Variants in GPM6A observed in about 807,000 individuals in gnomAD.
GPM6A encodes the protein neuronal membrane glycoprotein M6-a.
Under a neutral mutation model 32.1 loss-of-function variants are expected in GPM6A, and 7 were observed. That is an observed-to-expected ratio of 0.22 (90% CI 0.12 to 0.41). The LOEUF is 0.41. Among genes scored for constraint, GPM6A ranks in the 10% least tolerant of loss-of-function variants. GPM6A has a pLI of 1.00. For synonymous variants in GPM6A, 130 were observed against 123.4 expected, an observed-to-expected ratio of 1.05 and a Z score of -0.35; for missense variants, 235 against 347.2, an observed-to-expected ratio of 0.68 and a Z score of 2.57.
chr4:175,986,047 G>GCC (rs201773572), intron 1 of GPM6A, among the ~76,000 whole-genome samples: 8 of 151,996 alleles, frequency 5.3e-5, no homozygotes, highest in South Asian at 2.1e-4. Context: ...CTTGCGATCT[G>GCC]CCCCCCTCAG....
intron 1 of GPM6A, among the ~76,000 whole-genome samples, chr4:175,710,377 A>G (rs1385122466): frequency 6.6e-6 from 1 of 152,134 alleles, no homozygotes; most frequent in Non-Finnish European, 1.5e-5. Context: ...AAGTTCTGAT[A>G]TGCAAACTTT....
intron 1 of GPM6A, among the ~76,000 whole-genome samples, chr4:175,820,025 C>T (rs906761009): frequency 1.3e-5 from 2 of 152,098 alleles, no homozygotes; most frequent in East Asian, 3.8e-4. Context: ...AAGTAGAGAA[C>T]GTTCTTTAAG....
chr4:175,736,568 C>T (rs546521931), intron 1 of GPM6A, among the ~76,000 whole-genome samples: 28 of 152,134 alleles, frequency 1.8e-4, no homozygotes, highest in East Asian at 9.6e-4. Flanking sequence ...ATTGGCTTTA[C>T]GTTGCTGAAA....
chr4:175,698,239 T>C (rs1744684098), intron 2 of GPM6A, among the ~76,000 whole-genome samples: 1 of 152,218 alleles, frequency 6.6e-6, no homozygotes, highest in Admixed American at 6.5e-5. Context: ...AACAAGCTTC[T>C]TTTCCAAGTA....
At position 175,795,160 on chromosome 4, in the gene GPM6A, T is replaced by C. The variant is rs531719984; in HGVS notation, c.37+17031A>G. Among the ~76,000 whole-genome samples the C allele has an allele frequency of 2.0e-4, 31 of 152,318 alleles. No homozygotes were observed. In the East Asian group the frequency reaches 5.2e-3, roughly 26 times the overall value. ...GCATTAGTAATGACCTGTAAACTTC[T>C]AGCTTGGGACACAGTGTACATAAAT... On this transcript the variant is annotated intron_variant, in intron 1 of 6. Coordinates refer to ENST00000393658, the MANE Select transcript of GPM6A (RefSeq NM_201591.3).
In GPM6A at chr4:175,733,663, G is replaced by A. The variant is rs562648058; in HGVS notation, c.38-31896C>T. ...AAAGTGTTTTTTTCCAAGTCAACAT[G>A]TGCTCTTTATTTTATGTACCTGAGA... On this transcript the variant is annotated intron_variant, in intron 1 of 6. Transcript: ENST00000393658. 4.6e-5 allele frequency among the ~76,000 whole-genome samples: 7 copies of A among 151,960 alleles called. 1 individual carries two copies. The highest frequency in any genetic ancestry group is 1.7e-4 in the African/African-American group (7 of 41,458).
At chr4:175,859,298 A>T (rs531458657) in intron 1 of GPM6A, among the ~76,000 whole-genome samples, 103 of 152,326 alleles carry the variant, frequency 6.8e-4, no homozygotes, top group African/African-American at 2.4e-3. Context: ...CTAAAAAAGA[A>T]ATCCAAAGAA....
In GPM6A at chr4:175,719,729, G is replaced by A. The variant is rs547173285; in HGVS notation, c.38-17962C>T. ...TTTGGAAATAGAGAGACAAATGGCCGTACTTCAAAGTAGATATGTCACTTC... is the reference window on the plus strand; with the variant it reads ...TTTGGAAATAGAGAGACAAATGGCCATACTTCAAAGTAGATATGTCACTTC... On this transcript the variant is annotated intron_variant, in intron 1 of 6. Coordinates refer to ENST00000393658, the MANE Select transcript of GPM6A (RefSeq NM_201591.3). Among the ~76,000 whole-genome samples, 12 of 152,206 alleles carry A rather than the reference G, an allele frequency of 7.9e-5. No homozygotes were observed. In the South Asian group the frequency reaches 1.2e-3, roughly 16 times the overall value.
intron 3 of GPM6A, chr4:175,654,427 A>T (rs1177249848): frequency 6.6e-6 from 1 of 152,204 alleles, no homozygotes; most frequent in Non-Finnish European, 1.5e-5. Context: ...AAAAGCATTT[A>T]GCATTGAAAC....
At chr4:175,638,868 A>G (rs752450053) in intron 6 of GPM6A, among the ~76,000 whole-genome samples, 9 of 152,114 alleles carry the variant, frequency 5.9e-5, no homozygotes, top group Non-Finnish European at 1.2e-4. Context: ...TAAGGACAAT[A>G]ATGTTTGGTA....
At chr4:175,888,662 T>A (rs550085809) in intron 1 of GPM6A, among the ~76,000 whole-genome samples, 8 of 152,168 alleles carry the variant, frequency 5.3e-5, no homozygotes, top group African/African-American at 1.7e-4. Flanking sequence ...ACTGAGAAAA[T>A]TTTTAAATCA....
chr4:175,674,928 G>A lies in GPM6A; in HGVS notation c.231-1092C>T, dbSNP rs554387325. ...TTTTTAAAAGAAAAAAACACCATGT[G>A]GCTAAAATAAAACATTTATCTAGAA... On this transcript the variant is annotated intron_variant, in intron 2 of 6. Coordinates refer to ENST00000393658, the MANE Select transcript of GPM6A (RefSeq NM_201591.3). Among the ~76,000 whole-genome samples the A allele has an allele frequency of 9.9e-5, 15 of 151,064 alleles. 1 individual carries two copies. Among genetic ancestry groups the A allele is most frequent in the African/African-American group, 3.4e-4 (14 of 41,238 alleles).
intron 1 of GPM6A, among the ~76,000 whole-genome samples, chr4:175,999,361 T>C (rs1741405758): frequency 6.6e-6 from 1 of 152,182 alleles, no homozygotes; most frequent in South Asian, 2.1e-4. Context: ...AGCCCTGCAG[T>C]TTTTTTAGTA....
At chr4:175,650,294 ATTTATTTATTTATTTATTTAT>A (rs1179250789) in intron 4 of GPM6A, among the ~76,000 whole-genome samples, 1 of 67,874 alleles carries the variant, frequency 1.5e-5, no homozygotes, top group African/African-American at 6.2e-5. Context: ...TTATTTATTT[ATTTATTTATTTATTTATTTAT>A]TTATTTTGAG....
chr4:175,899,771 C>CAA (rs34037910), intron 1 of GPM6A, among the ~76,000 whole-genome samples: 26 of 150,804 alleles, frequency 1.7e-4, no homozygotes, highest in African/African-American at 4.4e-4. Context: ...GAATCTACCA[C>CAA]AAAAAAAAAT....
At chr4:175,860,599 T>C (rs892124229) in intron 1 of GPM6A, among the ~76,000 whole-genome samples, 15 of 152,312 alleles carry the variant, frequency 9.8e-5, no homozygotes, top group African/African-American at 2.9e-4. Context: ...TAGCACAGAA[T>C]GAAAATATCT....
rs187570487 is a variant in GPM6A, at chr4:175,957,678, G to A, written c.-23+44631C>T. Reference sequence around the variant, plus strand: ...GTATACCTATGTAACAAACCTGCACGTTCTGCACATGTATCCCAGAATTTA... The same window carrying A: ...GTATACCTATGTAACAAACCTGCACATTCTGCACATGTATCCCAGAATTTA... On this transcript the variant is annotated intron_variant, in intron 1 of 7. Coordinates refer to the GPM6A transcript ENST00000280187. 7.2e-5 allele frequency among the ~76,000 whole-genome samples: 11 copies of A among 152,152 alleles called. No individual in the cohort carries two copies. In the South Asian group the frequency reaches 1.2e-3, roughly 17 times the overall value.
chr4:175,823,917 G>C (rs1214847349), intron 1 of GPM6A, among the ~76,000 whole-genome samples: 1 of 152,110 alleles, frequency 6.6e-6, no homozygotes, highest in Non-Finnish European at 1.5e-5. Context: ...TCTCCCAATG[G>C]GCAATCAAGG....
intron 1 of GPM6A, among the ~76,000 whole-genome samples, chr4:175,776,530 T>C (rs1194426972): frequency 6.6e-6 from 1 of 152,158 alleles, no homozygotes; most frequent in East Asian, 1.9e-4. Flanking sequence ...TTTAACTTGT[T>C]CAGTCTCTAA....
Sources: allele counts gnomAD v4.1 joint callset (sites outside exome capture counted in the v4.1 genomes callset), GRCh38; gene constraint gnomAD v4.1.1; transcripts MANE v1.5; gene names NCBI Gene and HGNC (gene_info 2026-07-23, HGNC 2026-07-21).